BMERB1: variants seen among roughly 807,000 people sequenced by gnomAD.
BMERB1 encodes the protein bMERB domain containing 1.
Under a neutral mutation model 23.6 loss-of-function variants are expected in BMERB1, and 12 were observed. The observed-to-expected ratio is 0.51, with a 90% confidence interval of 0.33 to 0.82. The LOEUF (loss-of-function observed/expected upper bound fraction) is 0.82. BMERB1 is among the 40% of genes least tolerant of loss of function. BMERB1 has a pLI of 0.03. For synonymous variants in BMERB1, 122 were observed against 96.6 expected, an observed-to-expected ratio of 1.26 and a Z score of -1.54; for missense variants, 247 against 255.4, an observed-to-expected ratio of 0.97 and a Z score of 0.22.
chr16:15,556,835 C>T (rs766409764), intron 2 of BMERB1, among the ~76,000 whole-genome samples: 27 of 152,196 alleles, frequency 1.8e-4, no homozygotes, highest in Non-Finnish European at 2.9e-5. Flanking sequence ...CCGCCCTCCT[C>T]GGCCTCCCAA....
At position 15,549,771 on chromosome 16, in the gene BMERB1, G is replaced by A. The variant is rs542414041; in HGVS notation, c.231-18212G>A. ...GGGGACTTACCTTAGAGCTGCCTTC[G>A]CAGTAGGGAGTCCATGGTTTTTAGT... On this transcript the variant is annotated intron_variant, in intron 2 of 5. Transcript: ENST00000300006. 3.3e-5 allele frequency among the ~76,000 whole-genome samples: 5 copies of A among 152,152 alleles called. No individual in the cohort carries two copies. The East Asian group carries it at 5.8e-4, about 18-fold the overall frequency.
intron 1 of BMERB1, among the ~76,000 whole-genome samples, chr16:15,496,579 C>T (rs913832253): frequency 2.0e-5 from 3 of 151,596 alleles, no homozygotes; most frequent in Admixed American, 6.6e-5. Flanking sequence ...TGCTCTGTCA[C>T]CCAGCCTGGA....
intron 1 of BMERB1, among the ~76,000 whole-genome samples, chr16:15,442,579 T>A (rs2050948962): frequency 6.6e-6 from 1 of 152,182 alleles, no homozygotes; most frequent in Non-Finnish European, 1.5e-5. Context: ...AAAAAATTAA[T>A]CATGCCTATT....
At chr16:15,559,189 C>G (rs1179496718) in intron 2 of BMERB1, among the ~76,000 whole-genome samples, 1 of 152,092 alleles carries the variant, frequency 6.6e-6, no homozygotes, top group African/African-American at 2.4e-5. Flanking sequence ...TAAAGTTGTT[C>G]TCTTACATTT....
At chr16:15,499,696 T>C (rs770590776) in intron 1 of BMERB1, among the ~76,000 whole-genome samples, 13 of 152,300 alleles carry the variant, frequency 8.5e-5, no homozygotes, top group Non-Finnish European at 1.8e-4. Context: ...GGATGGTGTT[T>C]GATTTCTGAG....
intron 1 of BMERB1, among the ~76,000 whole-genome samples, chr16:15,470,091 C>G (rs774361885): frequency 3.9e-5 from 6 of 152,136 alleles, no homozygotes; most frequent in Non-Finnish European, 7.4e-5. Flanking sequence ...CAGGTTCTCA[C>G]CATTAGGATG....
intron 1 of BMERB1, among the ~76,000 whole-genome samples, chr16:15,457,166 A>G (rs932915738): frequency 3.3e-5 from 5 of 152,142 alleles, no homozygotes; most frequent in African/African-American, 1.2e-4. Flanking sequence ...GCTGAGTTAA[A>G]AGCTTTCAAC....
chr16:15,578,226 CTTTT>C (rs72419431), intron 3 of BMERB1, among the ~76,000 whole-genome samples: 1 of 120,994 alleles, frequency 8.3e-6, no homozygotes, highest in African/African-American at 2.7e-5. Flanking sequence ...CTCTTCTCCT[CTTTT>C]TTTTTTTTTT....
chr16:15,515,276 G>T (rs1171681169), intron 1 of BMERB1, 29 bp from the exon 2 acceptor site: 1 of 1,612,272 alleles, frequency 6.2e-7, no homozygotes, highest in African/African-American at 1.3e-5. Context: ...TTGGGGTCCT[G>T]ATGGTTGTAT....
chr16:15,571,590 A>G (rs2030729123), intron 3 of BMERB1, among the ~76,000 whole-genome samples: 3 of 151,978 alleles, frequency 2.0e-5, no homozygotes, highest in African/African-American at 7.2e-5. Context: ...TCCTGACCTC[A>G]TGATCCACCC....
At chr16:15,514,913 A>G (rs1030089713) in intron 1 of BMERB1, among the ~76,000 whole-genome samples, 33 of 152,108 alleles carry the variant, frequency 2.2e-4, no homozygotes, top group African/African-American at 7.2e-4. Flanking sequence ...CCCCGTCTCT[A>G]CTAAAAAATA....
At chr16:15,563,103 C>T (rs559314523) in intron 2 of BMERB1, among the ~76,000 whole-genome samples, 4 of 152,174 alleles carry the variant, frequency 2.6e-5, no homozygotes, top group East Asian at 1.9e-4. Context: ...TACCTGAGGC[C>T]GGGCGCAGTG....
intron 1 of BMERB1, among the ~76,000 whole-genome samples, chr16:15,469,324 C>G (rs937507590): frequency 6.6e-6 from 1 of 152,136 alleles, no homozygotes; most frequent in African/African-American, 2.4e-5. Context: ...TCTGGATTCT[C>G]TGTTCTGTTC....
intron 1 of BMERB1, among the ~76,000 whole-genome samples, chr16:15,508,388 C>T (rs923239416): frequency 1.3e-5 from 2 of 152,048 alleles, no homozygotes; most frequent in African/African-American, 4.8e-5. Context: ...GGCAACTACT[C>T]AGTTTTTGCA....
At chr16:15,438,511 G>C (rs2050908384) in intron 1 of BMERB1, among the ~76,000 whole-genome samples, 1 of 150,112 alleles carries the variant, frequency 6.7e-6, no homozygotes, top group Non-Finnish European at 1.5e-5. Flanking sequence ...GCCCAGGCTG[G>C]AGTGCAGTGG....
At chr16:15,564,526 G>A (rs538845412) in intron 2 of BMERB1, among the ~76,000 whole-genome samples, 27 of 152,244 alleles carry the variant, frequency 1.8e-4, no homozygotes, top group East Asian at 1.2e-3. Context: ...ATTTTAAAGC[G>A]TCTATAATTG....
At chr16:15,512,012 CAAAAAAAAAAA>C (rs57021793) in intron 1 of BMERB1, among the ~76,000 whole-genome samples, 1 of 61,148 alleles carries the variant, frequency 1.6e-5, no homozygotes, top group Non-Finnish European at 2.8e-5. Context: ...GACTTGCTCT[CAAAAAAAAAAA>C]AAAAAAAAAA....
At chr16:15,482,245 G>T (rs144230815) in intron 1 of BMERB1, among the ~76,000 whole-genome samples, 1 of 152,232 alleles carries the variant, frequency 6.6e-6, no homozygotes, top group Non-Finnish European at 1.5e-5. Context: ...ATCCCCAGGG[G>T]TGTAGATGAT....
chr16:15,519,978 A>C lies in BMERB1; in HGVS notation c.230+4550A>C, dbSNP rs572421546. On this transcript the variant is annotated intron_variant, in intron 2 of 5. Coordinates refer to ENST00000300006, the MANE Select transcript of BMERB1 (RefSeq NM_033201.3). ...GTCCTTGGTCTGTGACCTTGGACACATGAGGGAGCACACAGAGTTGCTGTT... is the reference window on the plus strand; with the variant it reads ...GTCCTTGGTCTGTGACCTTGGACACCTGAGGGAGCACACAGAGTTGCTGTT... Among the ~76,000 whole-genome samples, 222 of 152,196 alleles carry C rather than the reference A, an allele frequency of 1.5e-3. 2 individuals are homozygous for C. Among genetic ancestry groups the C allele is most frequent in the Non-Finnish European group, 1.3e-3 (91 of 67,994 alleles).
Sources: gnomAD v4.1 joint callset for allele counts (sites outside exome capture counted in the v4.1 genomes callset) on GRCh38, gnomAD v4.1.1 for gene constraint, MANE v1.5 for transcripts, NCBI Gene and HGNC (gene_info 2026-07-23, HGNC 2026-07-21) for gene names.